Variants in BABAM2 observed in about 807,000 individuals in gnomAD.
The protein encoded by BABAM2 is BRISC and BRCA1-A complex member 2.
BABAM2 carries 31 observed loss-of-function variants against 54.7 expected under a neutral mutation model. The observed-to-expected ratio is 0.57, with a 90% CI of 0.43 to 0.77. The LOEUF is 0.77. Among genes scored for constraint, BABAM2 ranks in the 30% least tolerant of loss-of-function variants. The pLI is 0.00. For synonymous variants in BABAM2, 167 were observed against 162.9 expected (o/e 1.03, Z -0.19); for missense variants, 364 against 455.8 (o/e 0.80, Z 1.83).
At chr2:27,953,014 T>A (rs1015712890) in intron 3 of BABAM2, among the ~76,000 whole-genome samples, 1 of 152,086 alleles carries the variant, frequency 6.6e-6, no homozygotes, top group Non-Finnish European at 1.5e-5. Flanking sequence ...GCTCTACCCT[T>A]CACACTTCTC....
intron 7 of BABAM2, among the ~76,000 whole-genome samples, chr2:28,231,892 C>G (rs905864666): frequency 2.1e-5 from 3 of 142,566 alleles, no homozygotes; most frequent in Non-Finnish European, 4.5e-5. Flanking sequence ...ATTGTAACCT[C>G]CAACTCCTGG....
intron 10 of BABAM2, among the ~76,000 whole-genome samples, chr2:28,248,207 C>CTTTTTCTTTCTTTTTTTTTTTTTTT (rs1553349503): frequency 5.5e-5 from 3 of 54,308 alleles, no homozygotes; most frequent in African/African-American, 2.0e-4. Flanking sequence ...TTTTCTTTTT[C>CTTTTTCTTTCTTTTTTTTTTTTTTT]TTTTTTTTTT....
chr2:28,070,556 C>CTTTTCTTTTTTT (rs57521666), intron 6 of BABAM2, among the ~76,000 whole-genome samples: 1 of 147,236 alleles, frequency 6.8e-6, no homozygotes, highest in Non-Finnish European at 1.5e-5. Flanking sequence ...CTTTTCTTTT[C>CTTTTCTTTTTTT]TTTTTTTTTT....
chr2:28,261,292 T>C (rs543788290), intron 10 of BABAM2, among the ~76,000 whole-genome samples: 8 of 151,836 alleles, frequency 5.3e-5, no homozygotes, highest in Non-Finnish European at 1.0e-4. Flanking sequence ...GAAATATAAT[T>C]GATTTTGTGT....
intron 7 of BABAM2, among the ~76,000 whole-genome samples, chr2:28,155,375 T>G (rs1264283259): frequency 6.6e-6 from 1 of 152,082 alleles, no homozygotes; most frequent in Admixed American, 6.6e-5. Context: ...GGTTAAGAAT[T>G]TGGAGAGAAA....
At chr2:28,245,418 G>A (rs996023130) in intron 10 of BABAM2, among the ~76,000 whole-genome samples, 3 of 152,204 alleles carry the variant, frequency 2.0e-5, no homozygotes, top group African/African-American at 7.2e-5. Flanking sequence ...ATGGGGTAAT[G>A]TTTTAATGTA....
intron 6 of BABAM2, among the ~76,000 whole-genome samples, chr2:28,063,566 C>G (rs1679077474): frequency 6.6e-6 from 1 of 151,420 alleles, no homozygotes; most frequent in Non-Finnish European, 1.5e-5. Context: ...CTAGTAACTG[C>G]CATTTTGGAC....
At chr2:28,098,663 A>T (rs930176572) in intron 6 of BABAM2, among the ~76,000 whole-genome samples, 3 of 152,218 alleles carry the variant, frequency 2.0e-5, no homozygotes, top group Admixed American at 2.0e-4. Context: ...ACATAAATGG[A>T]TTAAGGTGTA....
chr2:28,132,357 C>G (rs6705861), intron 7 of BABAM2, among the ~76,000 whole-genome samples: 70,247 of 151,598 alleles, frequency 0.46, 17,487 homozygotes, highest in Middle Eastern at 0.6. Context: ...CCAGGATGGT[C>G]TCAAACTCCT....
intron 3 of BABAM2, among the ~76,000 whole-genome samples, chr2:27,963,632 TA>T (rs1325870018): frequency 1.3e-5 from 2 of 152,172 alleles, no homozygotes; most frequent in East Asian, 3.8e-4. Context: ...AACGGTTTTT[TA>T]ATGGTAGATC....
intron 10 of BABAM2, among the ~76,000 whole-genome samples, chr2:28,262,124 G>A (rs1684594366): frequency 6.6e-6 from 1 of 152,184 alleles, no homozygotes; most frequent in Admixed American, 6.5e-5. Context: ...GTAAACAAAG[G>A]CACAGAGGGA....
chr2:28,103,931 A>AT (rs1284407117), intron 6 of BABAM2, among the ~76,000 whole-genome samples: 3 of 152,100 alleles, frequency 2.0e-5, no homozygotes, highest in Admixed American at 6.5e-5. Flanking sequence ...CTCCTATGTC[A>AT]TTTTTTCTTT....
intron 2 of BABAM2, among the ~76,000 whole-genome samples, chr2:27,917,218 A>T (rs1209208682): frequency 1.3e-5 from 2 of 151,886 alleles, no homozygotes; most frequent in Admixed American, 6.6e-5. Context: ...GGGTTTCACC[A>T]CGTTGGCCAG....
At chr2:28,172,233 A>C (rs1306866490) in intron 7 of BABAM2, among the ~76,000 whole-genome samples, 1 of 152,124 alleles carries the variant, frequency 6.6e-6, no homozygotes, top group Non-Finnish European at 1.5e-5. Flanking sequence ...CATCATCTGC[A>C]ATAATATACG....
At chr2:27,890,156 C>CT, upstream of BABAM2, 1 of 1,077,334 alleles carries the variant, frequency 9.3e-7, no homozygotes, top group Non-Finnish European at 1.4e-6. The surrounding 1 kb of genome is among the most constrained non-coding windows in gnomAD (Gnocchi z 4.8). Flanking sequence ...CTAGCACTGT[C>CT]TATCCCTGGA....
At chr2:28,070,999 G>A (rs564515238) in intron 6 of BABAM2, among the ~76,000 whole-genome samples, 2 of 151,580 alleles carry the variant, frequency 1.3e-5, no homozygotes, top group Non-Finnish European at 2.9e-5. Context: ...CAACGCCCCC[G>A]CCCCCAGCCT....
Position 28,111,424 on chromosome 2 carries a change from G to A in BABAM2, c.571-17847G>A, listed in dbSNP as rs113619275. Among the ~76,000 whole-genome samples, 1,144 of 152,066 alleles carry A rather than the reference G, an allele frequency of 7.5e-3. 15 individuals are homozygous for A. Among genetic ancestry groups the A allele is most frequent in the African/African-American group, 0.027 (1,103 of 41,450 alleles). On this transcript the variant is annotated intron_variant, in intron 6 of 11. Transcript: ENST00000379624. Reference sequence around the variant, plus strand: ...TAATCCCTTATCAGATATATAATTTGACAATATTTTCTCCCATTTCATAGT... The same window carrying A: ...TAATCCCTTATCAGATATATAATTTAACAATATTTTCTCCCATTTCATAGT...
At chr2:28,147,332 T>C (rs1671584218) in intron 7 of BABAM2, among the ~76,000 whole-genome samples, 1 of 152,236 alleles carries the variant, frequency 6.6e-6, no homozygotes, top group Admixed American at 6.5e-5. Flanking sequence ...CACATCTTTG[T>C]GATAGAACTC....
chr2:28,078,866 G>A (rs929745462), intron 6 of BABAM2, among the ~76,000 whole-genome samples: 4 of 152,058 alleles, frequency 2.6e-5, no homozygotes, highest in African/African-American at 9.7e-5. Context: ...TATATCCATT[G>A]GAATGGTTAG....
Sources: gnomAD v4.1 joint callset for allele counts (sites outside exome capture counted in the v4.1 genomes callset) on GRCh38, gnomAD v4.1.1 for gene constraint, Gnocchi (gnomAD v3.1) non-coding constraint, MANE v1.5 for transcripts, NCBI Gene and HGNC (gene_info 2026-07-23, HGNC 2026-07-21) for gene names.